CSMD3: variants seen among roughly 807,000 people sequenced by gnomAD.
The protein encoded by CSMD3 is CUB and Sushi multiple domains 3, also known as CUB and sushi domain-containing protein 3.
CSMD3 carries 177 observed loss-of-function variants against 435.2 expected under a neutral mutation model. The ratio of observed to expected loss-of-function variants is 0.41; its 90% CI spans 0.36 to 0.46. CSMD3 has a LOEUF of 0.46. Ranked by LOEUF, CSMD3 falls within the 20% of genes least tolerant of loss-of-function variation. The pLI is 0.34. For synonymous variants in CSMD3, 1,656 were observed against 1,520.5 expected (o/e 1.09, Z -2.07); for missense variants, 4,265 against 4,504.6 (o/e 0.95, Z 1.52).
intron 7 of CSMD3, among the ~76,000 whole-genome samples, chr8:112,972,955 T>C (rs2084711695): frequency 6.6e-6 from 1 of 151,982 alleles, no homozygotes; most frequent in Non-Finnish European, 1.5e-5. Context: ...ATTAGAATTA[T>C]GTGGTTAAAA....
At chr8:112,801,796 C>T (rs762518055) in intron 12 of CSMD3, among the ~76,000 whole-genome samples, 3 of 151,836 alleles carry the variant, frequency 2.0e-5, no homozygotes, top group East Asian at 1.9e-4. Context: ...CATTATTAAA[C>T]GGGAATGAGA....
chr8:113,014,933 CTGTT>C (rs1367111113), intron 6 of CSMD3, among the ~76,000 whole-genome samples: 2 of 152,122 alleles, frequency 1.3e-5, no homozygotes, highest in Non-Finnish European at 2.9e-5. Context: ...TACTGTGACT[CTGTT>C]TGATAAAAGA....
At chr8:112,985,192 G>A (rs2085210339) in intron 6 of CSMD3, among the ~76,000 whole-genome samples, 1 of 152,116 alleles carries the variant, frequency 6.6e-6, no homozygotes, top group African/African-American at 2.4e-5. Flanking sequence ...AGACTTTCTA[G>A]TTGAAGAGAC....
chr8:113,358,962 G>A (rs1432990987), intron 1 of CSMD3, among the ~76,000 whole-genome samples: 1 of 151,858 alleles, frequency 6.6e-6, no homozygotes, highest in Non-Finnish European at 1.5e-5. Context: ...AAGCTGCTCG[G>A]TTAAAAAATA....
At chr8:113,111,708 G>A (rs966421236) in intron 4 of CSMD3, among the ~76,000 whole-genome samples, 3 of 152,086 alleles carry the variant, frequency 2.0e-5, no homozygotes, top group Non-Finnish European at 4.4e-5. Context: ...TTGAGAGGGA[G>A]TCTCGCTTTG....
chr8:113,085,958 C>A (rs1391668410), intron 5 of CSMD3, among the ~76,000 whole-genome samples: 1 of 152,132 alleles, frequency 6.6e-6, no homozygotes, highest in African/African-American at 2.4e-5. Context: ...AGCCAACCGG[C>A]TGGGTGCAGT....
At chr8:113,341,017 T>A (rs1371400561) in intron 1 of CSMD3, among the ~76,000 whole-genome samples, 2 of 152,170 alleles carry the variant, frequency 1.3e-5, no homozygotes, top group Non-Finnish European at 2.9e-5. Flanking sequence ...TCAACCAACA[T>A]AAATTTTGGA....
rs552317077 is a variant in CSMD3 at position 113,436,530 on chromosome 8, G to C, written c.178+147C>G. On this transcript the variant is annotated intron_variant, in intron 1 of 70. Transcript: ENST00000297405. Reference sequence around the variant, plus strand: ...AAGCAAAATGCATTTCCTATCTGAGGGGGGGAGAACGAGCTGTGAATCAAC... The same window carrying C: ...AAGCAAAATGCATTTCCTATCTGAGCGGGGGAGAACGAGCTGTGAATCAAC... The C allele has an allele frequency of 6.2e-5, 51 of 818,796 alleles. 1 individual carries two copies. Among genetic ancestry groups the C allele is most frequent in the African/African-American group, 5.1e-4 (30 of 59,006 alleles). 50.7% of individuals were successfully genotyped at this position (818,796 alleles called of 1,614,324 possible).
chr8:112,267,296 C>T (rs920737530), intron 59 of CSMD3, among the ~76,000 whole-genome samples: 1 of 151,900 alleles, frequency 6.6e-6, no homozygotes, highest in Non-Finnish European at 1.5e-5. Flanking sequence ...TAAAACAGTT[C>T]GATGAAATTA....
intron 25 of CSMD3, among the ~76,000 whole-genome samples, chr8:112,554,883 C>T (rs1827981249): frequency 6.6e-6 from 1 of 151,918 alleles, no homozygotes; most frequent in Non-Finnish European, 1.5e-5. Flanking sequence ...CCTTATTTGA[C>T]TGAGGCTAAA....
At position 113,366,438 on chromosome 8, in the gene CSMD3, A is replaced by G. The variant is rs190677486; in HGVS notation, c.179-51645T>C. Reference sequence around the variant, plus strand: ...AAATATCATGAGGAAAACCAAACCAAATACCTTACTAAGAACTGTATTTGA... The same window carrying G: ...AAATATCATGAGGAAAACCAAACCAGATACCTTACTAAGAACTGTATTTGA... On this transcript the variant is annotated intron_variant, in intron 1 of 70. Coordinates refer to ENST00000297405, the MANE Select transcript of CSMD3 (RefSeq NM_198123.2). Among the ~76,000 whole-genome samples, 733 of 152,164 alleles carry G rather than the reference A, an allele frequency of 4.8e-3. 11 individuals are homozygous for G. Among genetic ancestry groups the G allele is most frequent in the African/African-American group, 0.017 (706 of 41,558 alleles).
chr8:113,317,749 G>A (rs1466741587), intron 1 of CSMD3, among the ~76,000 whole-genome samples: 1 of 151,988 alleles, frequency 6.6e-6, no homozygotes, highest in Admixed American at 6.5e-5. Flanking sequence ...ATAGCGCAGT[G>A]TTTTTCTTAC....
At position 112,954,694 on chromosome 8, in the gene CSMD3, C is replaced by T; in HGVS notation, c.1410G>A (p.Lys470=). 1.3e-6 allele frequency: 2 copies of T among 1,598,272 alleles called. No individual in the cohort carries two copies. The highest frequency in any genetic ancestry group is 1.7e-4 in the Middle Eastern group (1 of 6,030). ...AAGAAGTACACTCACAGATAGAAAA[C>T]TTGTTGCTGTTGTCTTTCCCTGGAA... is the stretch of plus-strand genomic sequence containing the variant. ...KLFPGKDNSN[K]FSILNEGGIK... The change falls in exon 8 of 71, where the codon AAG becomes AAA. Residue 470 remains lysine (K), a synonymous_variant. Coordinates refer to ENST00000297405, the MANE Select transcript of CSMD3 (RefSeq NM_198123.2).
intron 10 of CSMD3, among the ~76,000 whole-genome samples, chr8:112,863,079 A>G (rs1338706951): frequency 2.0e-5 from 3 of 151,986 alleles, no homozygotes; most frequent in Non-Finnish European, 4.4e-5. Flanking sequence ...GCTGATCTAT[A>G]GAAACTTCCT....
chr8:112,540,476 G>T (rs1826559309), intron 27 of CSMD3, among the ~76,000 whole-genome samples: 1 of 151,990 alleles, frequency 6.6e-6, no homozygotes, highest in African/African-American at 2.4e-5. Flanking sequence ...AGAGATAGCT[G>T]CACGTGCATG....
At chr8:112,774,436 G>T (rs1469578323) in intron 13 of CSMD3, among the ~76,000 whole-genome samples, 1 of 151,952 alleles carries the variant, frequency 6.6e-6, no homozygotes, top group Non-Finnish European at 1.5e-5. Flanking sequence ...CATATAAAGA[G>T]CCCAAATCTC....
At chr8:112,435,314 T>A (rs1586314844) in intron 32 of CSMD3, among the ~76,000 whole-genome samples, 1 of 152,086 alleles carries the variant, frequency 6.6e-6, no homozygotes, top group African/African-American at 2.4e-5. Context: ...AAGTGCTCTA[T>A]AACCATTATC....
At chr8:113,228,421 T>C (rs2093050892) in intron 3 of CSMD3, among the ~76,000 whole-genome samples, 1 of 151,640 alleles carries the variant, frequency 6.6e-6, no homozygotes. Flanking sequence ...TCTATGTTTA[T>C]AAGGCACCTA....
chr8:112,827,164 A>AATATATCTAT (rs1185907951), intron 12 of CSMD3, among the ~76,000 whole-genome samples: 2 of 82,852 alleles, frequency 2.4e-5, no homozygotes, highest in African/African-American at 9.3e-5. Context: ...GGTTACCATA[A>AATATATCTAT]ATATATATAT....
Sources: gnomAD v4.1 joint callset for allele counts (sites outside exome capture counted in the v4.1 genomes callset) on GRCh38, gnomAD v4.1.1 for gene constraint, MANE v1.5 for transcripts, NCBI Gene and HGNC (gene_info 2026-07-23, HGNC 2026-07-21) for gene names.